NUP153: variants seen among roughly 807,000 people sequenced by gnomAD.
NUP153 encodes the protein nucleoporin 153, also known as nuclear pore complex protein Nup153.
In NUP153, 27 loss-of-function variants were observed where a neutral mutation model predicts 134.6. The observed-to-expected ratio is 0.20, with a 90% CI of 0.15 to 0.28. NUP153 has a LOEUF of 0.28. Among genes scored for constraint, NUP153 ranks in the 10% least tolerant of loss-of-function variants. The probability of loss-of-function intolerance (pLI) is 1.00; values close to 1 mark genes in which losing one functional copy is unlikely to be tolerated. For missense variants in NUP153, 1,821 were observed against 1,731.3 expected, an observed-to-expected ratio of 1.05 and a Z score of -0.92; for synonymous variants, 640 against 623.5, an observed-to-expected ratio of 1.03 and a Z score of -0.40.
chr6:17,637,882 C>G, intron 15 of NUP153, 112 bp from the exon 16 acceptor site: 1 of 1,124,854 alleles, frequency 8.9e-7, no homozygotes, highest in South Asian at 1.7e-5. Context: ...TTACTACAAT[C>G]CAAGATGAAC....
intron 20 of NUP153, among the ~76,000 whole-genome samples, chr6:17,621,443 G>A (rs780245920): frequency 1.4e-4 from 22 of 152,238 alleles, no homozygotes; most frequent in East Asian, 7.7e-4. Flanking sequence ...GCCAAGATAC[G>A]GAATCAATCT....
chr6:17,624,598 A>T lies in NUP153; in HGVS notation c.4137T>A (p.Ser1379Arg). 6.2e-7 allele frequency: 1 copy of T among 1,614,200 alleles called. No homozygotes were observed. The highest frequency in any genetic ancestry group is 8.5e-7 in the Non-Finnish European group (1 of 1,180,028). ...SQPPVFGQQPSQSAFGSGTTP... is the reference protein window; with the variant it reads ...SQPPVFGQQPRQSAFGSGTTP... ...TTGTTCCAGAGCCAAATGCAGACTG[A>T]CTAGGTTGCTGTCCAAACACAGGGG... Residue 1379 changes from serine (S) to arginine (R), a missense_variant, in exon 20 of 22, where the codon AGT becomes AGA. Transcript: ENST00000262077.
chr6:17,669,585 A>G (rs753010103), intron 5 of NUP153, 39 bp from the exon 6 acceptor site: 3 of 1,326,902 alleles, frequency 2.3e-6, no homozygotes, highest in Non-Finnish European at 3.3e-6. Context: ...GCAACATAAA[A>G]TCTAAGGCAC....
rs1426360686 is a variant in NUP153 at position 17,624,641 on chromosome 6, A to C, written c.4094T>G (p.Val1365Gly). 6.2e-7 allele frequency: 1 copy of C among 1,614,184 alleles called. No individual in the cohort carries two copies. Among genetic ancestry groups the C allele is most frequent in the Admixed American group, 1.7e-5 (1 of 60,028 alleles). The part of the protein sequence containing the change: ...SQPAPPTFGT[V>G]SSSSQPPVFG... ...CACAGGGGGCTGGCTACTGCTTGACACTGTCCCAAAAGTAGGTGGTGCAGG... is the reference window on the plus strand; with the variant it reads ...CACAGGGGGCTGGCTACTGCTTGACCCTGTCCCAAAAGTAGGTGGTGCAGG... Residue 1365 changes from valine to glycine, a missense_variant, in exon 20 of 22, where the codon GTG becomes GGG. Coordinates refer to ENST00000262077, the MANE Select transcript of NUP153 (RefSeq NM_005124.4).
chr6:17,689,676 A>T (rs1362577690), intron 1 of NUP153, among the ~76,000 whole-genome samples: 1 of 151,358 alleles, frequency 6.6e-6, no homozygotes, highest in Non-Finnish European at 1.5e-5. Context: ...AGCTGGGATT[A>T]CACCACACCC....
intron 18 of NUP153, among the ~76,000 whole-genome samples, chr6:17,627,133 C>T (rs987020088): frequency 6.6e-6 from 1 of 152,104 alleles, no homozygotes; most frequent in Admixed American, 6.6e-5. Flanking sequence ...ACACTATGGG[C>T]ATTAGTATGA....
chr6:17,688,964 C>G (rs192664078), intron 1 of NUP153, among the ~76,000 whole-genome samples: 76 of 151,944 alleles, frequency 5.0e-4, no homozygotes, highest in African/African-American at 1.7e-3. Flanking sequence ...CATTTTTTCC[C>G]AGTATGTTAA....
At chr6:17,616,327 C>G (rs1435434982) in intron 21 of NUP153, 146 bp from the exon 22 acceptor site, 2 of 719,486 alleles carry the variant, frequency 2.8e-6, no homozygotes, top group African/African-American at 1.8e-5. Context: ...TTCTGCTACA[C>G]CTAACACACA....
At chr6:17,622,434 C>T (rs1374075466) in intron 20 of NUP153, among the ~76,000 whole-genome samples, 1 of 152,122 alleles carries the variant, frequency 6.6e-6, no homozygotes, top group East Asian at 1.9e-4. Context: ...CACTGTACTC[C>T]AGTTTGTGCG....
chr6:17,622,823 C>T (rs1764713273), intron 20 of NUP153, among the ~76,000 whole-genome samples: 1 of 152,042 alleles, frequency 6.6e-6, no homozygotes. Context: ...TCTAACCTTA[C>T]AGTGTCTCTA....
chr6:17,670,095 CAAAAA>C (rs71002244), intron 5 of NUP153, among the ~76,000 whole-genome samples: 78 of 65,154 alleles, frequency 1.2e-3, no homozygotes, highest in Middle Eastern at 9.6e-3. Context: ...GACTCTTTCT[CAAAAA>C]AAAAAAAAAA....
At chr6:17,700,270 T>C (rs2113864486) in intron 1 of NUP153, among the ~76,000 whole-genome samples, 1 of 152,320 alleles carries the variant, frequency 6.6e-6, no homozygotes, top group Non-Finnish European at 1.5e-5. Context: ...TTTTAATAAC[T>C]CCTTACCTAT....
chr6:17,669,145 C>T, intron 7 of NUP153, 117 bp from the exon 8 acceptor site: 3 of 984,604 alleles, frequency 3.0e-6, no homozygotes, highest in Non-Finnish European at 3.0e-6. Flanking sequence ...GTGGCGCGAT[C>T]TTGACTCACT....
intron 17 of NUP153, 62 bp from the exon 18 acceptor site, chr6:17,629,601 T>C (rs1352568101): frequency 2.1e-6 from 3 of 1,451,142 alleles, no homozygotes; most frequent in African/African-American, 2.9e-5. Flanking sequence ...AAACAAAATG[T>C]AAACACTGTG....
At chr6:17,617,553 G>A (rs564542108) in intron 20 of NUP153, among the ~76,000 whole-genome samples, 1 of 151,800 alleles carries the variant, frequency 6.6e-6, no homozygotes, top group African/African-American at 2.4e-5. Context: ...CACAAAGATG[G>A]TAATTATCAG....
intron 2 of NUP153, among the ~76,000 whole-genome samples, chr6:17,687,096 C>T (rs1440909607): frequency 1.3e-5 from 2 of 152,110 alleles, no homozygotes; most frequent in Non-Finnish European, 2.9e-5. Context: ...ATTCATCCTG[C>T]TATTTTCATG....
At chr6:17,701,105 A>G (rs1413488044) in intron 1 of NUP153, among the ~76,000 whole-genome samples, 27 of 151,852 alleles carry the variant, frequency 1.8e-4, no homozygotes, top group Non-Finnish European at 2.5e-4. Context: ...CATGCCTGTA[A>G]TTCCAGCTAC....
At chr6:17,651,932 A>T in intron 11 of NUP153, 1 of 619,440 alleles carries the variant, frequency 1.6e-6, no homozygotes, top group Non-Finnish European at 3.1e-6. Flanking sequence ...TGTCTCTACA[A>T]ATAATTTTAA....
At chr6:17,639,418 T>A (rs1765727906) in intron 15 of NUP153, among the ~76,000 whole-genome samples, 1 of 152,218 alleles carries the variant, frequency 6.6e-6, no homozygotes, top group South Asian at 2.1e-4. Context: ...AATGGAATTA[T>A]GAACATCCTG....
Sources: gnomAD v4.1 joint callset for allele counts (sites outside exome capture counted in the v4.1 genomes callset) on GRCh38, gnomAD v4.1.1 for gene constraint, MANE v1.5 for transcripts, NCBI Gene and HGNC (gene_info 2026-07-23, HGNC 2026-07-21) for gene names.